Variants in FRMD4A observed in about 807,000 individuals in gnomAD.
FRMD4A encodes the protein FERM domain-containing protein 4A.
In FRMD4A, 29 loss-of-function variants were observed where a neutral mutation model predicts 129.1. The ratio of observed to expected loss-of-function variants is 0.22; its 90% CI spans 0.17 to 0.31. The LOEUF is 0.31. FRMD4A is among the 10% of genes least tolerant of loss of function. FRMD4A has a pLI of 1.00. For synonymous variants in FRMD4A, 634 were observed against 571.6 expected, an observed-to-expected ratio of 1.11 and a Z score of -1.56; for missense variants, 1,272 against 1,375.8, an observed-to-expected ratio of 0.92 and a Z score of 1.19.
At chr10:13,689,517 C>T (rs1009711606) in intron 15 of FRMD4A, among the ~76,000 whole-genome samples, 3 of 148,076 alleles carry the variant, frequency 2.0e-5, no homozygotes, top group African/African-American at 7.5e-5. Context: ...GCCCAGGGTA[C>T]CATACACTCT....
At chr10:13,703,504 T>G (rs2087075879) in intron 13 of FRMD4A, among the ~76,000 whole-genome samples, 1 of 152,094 alleles carries the variant, frequency 6.6e-6, no homozygotes, top group Non-Finnish European at 1.5e-5. Context: ...CCTGAATCAT[T>G]CCCATCGATT....
At chr10:13,850,022 A>G (rs1033845714) in intron 3 of FRMD4A, among the ~76,000 whole-genome samples, 2 of 151,942 alleles carry the variant, frequency 1.3e-5, no homozygotes, top group African/African-American at 4.8e-5. Flanking sequence ...TAAAAAAATA[A>G]GCTGTGGGTG....
At chr10:14,253,574 T>C (rs546396827) in intron 2 of FRMD4A, among the ~76,000 whole-genome samples, 63 of 152,308 alleles carry the variant, frequency 4.1e-4, no homozygotes, top group African/African-American at 1.4e-3. Flanking sequence ...AGAACTTCAT[T>C]ACAAAGCACC....
At chr10:14,035,026 T>C (rs982015601) in intron 2 of FRMD4A, among the ~76,000 whole-genome samples, 1 of 152,082 alleles carries the variant, frequency 6.6e-6, no homozygotes. Flanking sequence ...AGACTTTGAG[T>C]AATATGAAAC....
intron 2 of FRMD4A, among the ~76,000 whole-genome samples, chr10:13,883,343 T>A (rs1225831851): frequency 1.3e-5 from 2 of 151,894 alleles, no homozygotes; most frequent in African/African-American, 4.8e-5. Context: ...TACAAAAAAA[T>A]TAGCTGGGTG....
chr10:14,106,419 A>G (rs1837590566), intron 2 of FRMD4A, among the ~76,000 whole-genome samples: 2 of 152,202 alleles, frequency 1.3e-5, no homozygotes, highest in African/African-American at 4.8e-5. Context: ...CTGGTGAGTG[A>G]GGAATACTAA....
intron 2 of FRMD4A, among the ~76,000 whole-genome samples, chr10:14,204,264 TA>T (rs1186958482): frequency 6.6e-6 from 1 of 151,712 alleles, no homozygotes; most frequent in Non-Finnish European, 1.5e-5. Flanking sequence ...CCTGTCTTTA[TA>T]AAAAAATACA....
chr10:14,120,150 A>G (rs1254321126), intron 2 of FRMD4A, among the ~76,000 whole-genome samples: 1 of 151,932 alleles, frequency 6.6e-6, no homozygotes, highest in African/African-American at 2.4e-5. Flanking sequence ...CAGGAATTAT[A>G]TTCCTTTATA....
intron 8 of FRMD4A, among the ~76,000 whole-genome samples, chr10:13,750,109 G>GAAAGAAAAGAAGAAAGAAAGA (rs59377985): frequency 1.4e-5 from 1 of 73,580 alleles, no homozygotes; most frequent in South Asian, 5.0e-4. Context: ...AGAAAGAAAT[G>GAAAGAAAAGAAGAAAGAAAGA]AAGAAAGAAA....
intron 2 of FRMD4A, among the ~76,000 whole-genome samples, chr10:14,055,329 G>T (rs745847381): frequency 6.6e-6 from 1 of 152,020 alleles, no homozygotes; most frequent in Non-Finnish European, 1.5e-5. Flanking sequence ...TCATCCTCAC[G>T]TCTTTATGAT....
At chr10:13,693,865 CA>C (rs961298289) in intron 15 of FRMD4A, 32 bp downstream of exon 15, 4 of 1,606,750 alleles carry the variant, frequency 2.5e-6, no homozygotes, top group Non-Finnish European at 3.4e-6. Flanking sequence ...CAGCCATGCT[CA>C]GGGGGCGTCC....
At chr10:13,659,671 C>G (rs2274352) in intron 20 of FRMD4A, among the ~76,000 whole-genome samples, 181 bp from the exon 21 acceptor site, 3 of 151,952 alleles carry the variant, frequency 2.0e-5, no homozygotes, top group East Asian at 1.9e-4. Flanking sequence ...TGCCCTCCCC[C>G]CTCCCAACCT....
At chr10:14,192,194 T>C (rs917712712) in intron 2 of FRMD4A, among the ~76,000 whole-genome samples, 2 of 152,232 alleles carry the variant, frequency 1.3e-5, no homozygotes, top group East Asian at 3.8e-4. Context: ...ATCATTCTTT[T>C]GGATGGAGAA....
intron 2 of FRMD4A, among the ~76,000 whole-genome samples, chr10:14,235,098 G>T (rs1243067662): frequency 6.6e-6 from 1 of 152,004 alleles, no homozygotes; most frequent in Admixed American, 6.6e-5. Flanking sequence ...TGGCACAGTG[G>T]GGTATTTTCT....
intron 2 of FRMD4A, among the ~76,000 whole-genome samples, chr10:14,325,457 C>T (rs578164682): frequency 1.3e-5 from 2 of 152,342 alleles, no homozygotes; most frequent in African/African-American, 4.8e-5. Context: ...CCACTCCCCT[C>T]ACCTCAAATC....
At chr10:13,975,130 T>C (rs551384868) in intron 2 of FRMD4A, among the ~76,000 whole-genome samples, 3 of 151,932 alleles carry the variant, frequency 2.0e-5, no homozygotes, top group Non-Finnish European at 4.4e-5. Flanking sequence ...TCTCTATGTA[T>C]GTACCTGTGT....
chr10:13,677,608 T>C (rs1221505789), intron 15 of FRMD4A, among the ~76,000 whole-genome samples: 1 of 152,152 alleles, frequency 6.6e-6, no homozygotes, highest in Non-Finnish European at 1.5e-5. Flanking sequence ...TATTGCAGGT[T>C]CCCCTTTTTG....
At chr10:13,864,577 C>CT (rs60899227) in intron 2 of FRMD4A, among the ~76,000 whole-genome samples, 4,580 of 136,920 alleles carry the variant, frequency 0.033, 110 homozygotes, top group Middle Eastern at 0.15. Flanking sequence ...TTCTTTCTTT[C>CT]TTTTTTTTTT....
chr10:13,858,226 G>A (rs2094240425), intron 3 of FRMD4A, among the ~76,000 whole-genome samples: 1 of 152,148 alleles, frequency 6.6e-6, no homozygotes, highest in Non-Finnish European at 1.5e-5. Context: ...CTGAGGTCAG[G>A]AGTTCCAGAC....
Sources: allele counts gnomAD v4.1 joint callset (sites outside exome capture counted in the v4.1 genomes callset), GRCh38; gene constraint gnomAD v4.1.1; transcripts MANE v1.5; gene names NCBI Gene and HGNC (gene_info 2026-07-23, HGNC 2026-07-21).